Variants in MAGI2 observed in about 807,000 individuals in gnomAD.
The protein encoded by MAGI2 is membrane associated guanylate kinase, WW and PDZ domain containing 2.
A neutral mutation model predicts 133.3 loss-of-function variants in MAGI2; 35 were observed. The ratio of observed to expected loss-of-function variants is 0.26; its 90% CI spans 0.20 to 0.35. MAGI2 has a LOEUF of 0.35. MAGI2 is among the 10% of genes least tolerant of loss of function. The pLI is 1.00. For synonymous variants in MAGI2, 729 were observed against 710.6 expected (o/e 1.03, Z -0.41); for missense variants, 1,636 against 1,863.4 (o/e 0.88, Z 2.25).
intron 21 of MAGI2, among the ~76,000 whole-genome samples, chr7:78,054,155 T>G (rs934338371): frequency 6.6e-6 from 1 of 152,228 alleles, no homozygotes; most frequent in Non-Finnish European, 1.5e-5. Context: ...AGATGTGGTC[T>G]CGATCTGTCG....
intron 20 of MAGI2, among the ~76,000 whole-genome samples, chr7:78,108,737 CAT>C (rs1818982884): frequency 1.6e-5 from 2 of 126,624 alleles, no homozygotes; most frequent in African/African-American, 5.1e-5. Flanking sequence ...TATACACACA[CAT>C]ATGTGAGTGT....
intron 20 of MAGI2, among the ~76,000 whole-genome samples, chr7:78,113,399 G>C (rs528071647): frequency 1.3e-5 from 2 of 152,236 alleles, no homozygotes; most frequent in South Asian, 2.1e-4. Context: ...GATGCTCTCC[G>C]TACCTCTGTG....
At chr7:79,411,305 C>A (rs1424561685) in intron 1 of MAGI2, 1 of 152,104 alleles carries the variant, frequency 6.6e-6, no homozygotes, top group African/African-American at 2.4e-5. Flanking sequence ...AATCAGCTGA[C>A]CTTTAAATAG....
intron 10 of MAGI2, among the ~76,000 whole-genome samples, chr7:78,239,439 C>G (rs1284221703): frequency 6.6e-6 from 1 of 152,018 alleles, no homozygotes; most frequent in East Asian, 1.9e-4. Context: ...AACTTCTGTG[C>G]AGAAGAGGAA....
intron 1 of MAGI2, among the ~76,000 whole-genome samples, chr7:79,215,046 C>T (rs1026009885): frequency 1.3e-5 from 2 of 151,476 alleles, no homozygotes; most frequent in African/African-American, 4.9e-5. Flanking sequence ...ATTGAATAGA[C>T]CCCCTCTAAG....
intron 1 of MAGI2, among the ~76,000 whole-genome samples, chr7:79,020,870 T>C (rs1809260278): frequency 6.6e-6 from 1 of 152,048 alleles, no homozygotes; most frequent in Admixed American, 6.5e-5. Context: ...TCACAGCAGC[T>C]CCTTCCATCA....
intron 11 of MAGI2, among the ~76,000 whole-genome samples, chr7:78,199,303 A>T (rs1829020989): frequency 6.6e-6 from 1 of 152,236 alleles, no homozygotes; most frequent in Non-Finnish European, 1.5e-5. Context: ...TTAATAGTTT[A>T]GTCAACTATG....
At chr7:78,165,714 C>A (rs1227781704) in intron 15 of MAGI2, among the ~76,000 whole-genome samples, 2 of 152,180 alleles carry the variant, frequency 1.3e-5, no homozygotes, top group Non-Finnish European at 2.9e-5. Flanking sequence ...CTAAGCCAGG[C>A]TTGCACCTCC....
rs570998124 is a variant in MAGI2, at chr7:78,323,942, C to T, written c.1408+19836G>A. On this transcript the variant is annotated intron_variant, in intron 9 of 21. Coordinates refer to ENST00000354212, the MANE Select transcript of MAGI2 (RefSeq NM_012301.4). ...CTGGGGCATATAGCAGGGAAATAAACCCATGCTGGTATGAAATTTCTATAC... is the reference window on the plus strand; with the variant it reads ...CTGGGGCATATAGCAGGGAAATAAATCCATGCTGGTATGAAATTTCTATAC... 1.2e-4 allele frequency among the ~76,000 whole-genome samples: 18 copies of T among 152,172 alleles called. No individual in the cohort carries two copies. The South Asian group carries it at 3.5e-3, about 30-fold the overall frequency.
intron 2 of MAGI2, among the ~76,000 whole-genome samples, chr7:78,731,546 G>T (rs1821367923): frequency 6.6e-6 from 1 of 152,124 alleles, no homozygotes; most frequent in Admixed American, 6.6e-5. Flanking sequence ...CTGGTTGAAG[G>T]AGTAAGAGAA....
chr7:79,307,337 T>C (rs1837908174), intron 1 of MAGI2, among the ~76,000 whole-genome samples: 1 of 152,158 alleles, frequency 6.6e-6, no homozygotes, highest in Non-Finnish European at 1.5e-5. Context: ...ATAATTGAAC[T>C]TCTTAATTGC....
intron 1 of MAGI2, among the ~76,000 whole-genome samples, chr7:79,082,634 T>C (rs1816141019): frequency 6.6e-6 from 1 of 152,064 alleles, no homozygotes; most frequent in Non-Finnish European, 1.5e-5. Flanking sequence ...AAATTGGAAT[T>C]TATAAGCTCT....
chr7:79,293,416 G>A (rs974801140), intron 1 of MAGI2, among the ~76,000 whole-genome samples: 3 of 151,594 alleles, frequency 2.0e-5, no homozygotes, highest in African/African-American at 4.9e-5. Context: ...CTAAAATATA[G>A]ACTCCAGAAT....
intron 9 of MAGI2, among the ~76,000 whole-genome samples, chr7:78,334,935 A>G (rs1366129192): frequency 6.6e-6 from 1 of 152,196 alleles, no homozygotes; most frequent in Non-Finnish European, 1.5e-5. Flanking sequence ...TGAAAAGTAT[A>G]TTCCAGAGCA....
intron 1 of MAGI2, among the ~76,000 whole-genome samples, chr7:79,377,165 C>G (rs1843439752): frequency 6.6e-6 from 1 of 151,788 alleles, no homozygotes. Context: ...TATATTAGGG[C>G]TGGTCTTTGA....
At chr7:78,937,129 C>A (rs1048414513) in intron 2 of MAGI2, among the ~76,000 whole-genome samples, 4 of 151,694 alleles carry the variant, frequency 2.6e-5, no homozygotes, top group Admixed American at 2.6e-4. Flanking sequence ...AAAATATAAA[C>A]GTGCTCCCCT....
chr7:78,389,944 G>A (rs1795748323), intron 6 of MAGI2, among the ~76,000 whole-genome samples: 1 of 152,104 alleles, frequency 6.6e-6, no homozygotes, highest in East Asian at 1.9e-4. Flanking sequence ...TCCCTCATGT[G>A]GACACTGTGT....
intron 2 of MAGI2, among the ~76,000 whole-genome samples, chr7:78,963,091 T>C (rs1484859180): frequency 6.6e-6 from 1 of 152,096 alleles, no homozygotes; most frequent in African/African-American, 2.4e-5. Context: ...CTGTAAACTA[T>C]GAGTTATGGA....
chr7:79,180,505 A>G (rs911810800), intron 1 of MAGI2, among the ~76,000 whole-genome samples: 1 of 152,030 alleles, frequency 6.6e-6, no homozygotes, highest in Non-Finnish European at 1.5e-5. Context: ...CTTATTCACC[A>G]TCATGAGAAC....
Sources: gnomAD v4.1 joint callset for allele counts (sites outside exome capture counted in the v4.1 genomes callset) on GRCh38, gnomAD v4.1.1 for gene constraint, MANE v1.5 for transcripts, NCBI Gene and HGNC (gene_info 2026-07-23, HGNC 2026-07-21) for gene names.